The following BSN variants were observed in gnomAD, a reference collection of about 807,000 sequenced individuals.
The protein encoded by BSN is bassoon presynaptic cytomatrix protein.
BSN carries 57 observed loss-of-function variants against 264.8 expected under a neutral mutation model. The ratio of observed to expected loss-of-function variants is 0.22; its 90% CI spans 0.17 to 0.27. The LOEUF is 0.27. Ranked by LOEUF, BSN falls within the 10% of genes least tolerant of loss-of-function variation. BSN has a pLI of 1.00. For synonymous variants in BSN, 2,059 were observed against 2,137.3 expected, an observed-to-expected ratio of 0.96 and a Z score of 1.01; for missense variants, 4,615 against 5,232.5, an observed-to-expected ratio of 0.88 and a Z score of 3.64.
chr3:49,564,294 A>G (rs1432207227), intron 1 of BSN, among the ~76,000 whole-genome samples: 1 of 152,040 alleles, frequency 6.6e-6, no homozygotes, highest in Non-Finnish European at 1.5e-5. Flanking sequence ...TCCCACACTT[A>G]TCCAGCCTCA....
chr3:49,606,133 T>TAA (rs376037321), intron 1 of BSN, among the ~76,000 whole-genome samples: 7,162 of 13,958 alleles, frequency 0.51, 2,574 homozygotes, highest in East Asian at 0.87. Context: ...ATATTATATA[T>TAA]ACATATATTA....
intron 1 of BSN, among the ~76,000 whole-genome samples, chr3:49,614,400 A>G (rs2052241784): frequency 6.6e-6 from 1 of 152,172 alleles, no homozygotes; most frequent in African/African-American, 2.4e-5. Context: ...ATGGCATTTG[A>G]CACGTCAGCT....
chr3:49,636,167 G>T (rs1466090189), intron 2 of BSN, among the ~76,000 whole-genome samples: 1 of 152,222 alleles, frequency 6.6e-6, no homozygotes, highest in Non-Finnish European at 1.5e-5. Flanking sequence ...CCCCATGTGG[G>T]TTGCAGGTCA....
intron 1 of BSN, among the ~76,000 whole-genome samples, chr3:49,624,232 A>ACC (rs1283810099): frequency 7.2e-6 from 1 of 139,422 alleles, no homozygotes; most frequent in East Asian, 2.2e-4. Context: ...CGATCTCCCG[A>ACC]CCTCTTGATG....
At chr3:49,664,912 G>C (rs1446242587) in intron 10 of BSN, 59 bp downstream of exon 10, 3 of 1,351,048 alleles carry the variant, frequency 2.2e-6, no homozygotes, top group Admixed American at 1.7e-5. Flanking sequence ...CACTGGGGGT[G>C]GGGGTGGGGC....
rs1436321437 is a variant in BSN at position 49,664,418 on chromosome 3, C to T, written c.11609-5C>T. 1 of 1,613,774 alleles carries T rather than the reference C, an allele frequency of 6.2e-7. No individual in the cohort carries two copies. Among genetic ancestry groups the T allele is most frequent in the Non-Finnish European group, 8.5e-7 (1 of 1,180,008 alleles). On this transcript the variant is annotated splice_polypyrimidine_tract_variant and splice_region_variant and intron_variant, in intron 8 of 11. Transcript: ENST00000296452. ...AGCTCATTATGGCGATTTCTTTCCT[C>T]CTAGGTGTGAAGGCTGGAGCCAGGC...
intron 1 of BSN, among the ~76,000 whole-genome samples, chr3:49,580,844 G>T (rs570827424): frequency 6.6e-6 from 1 of 152,072 alleles, no homozygotes; most frequent in East Asian, 1.9e-4. Context: ...CAATTTAGTG[G>T]CATTAATTAC....
intron 1 of BSN, among the ~76,000 whole-genome samples, chr3:49,560,113 G>C (rs914135969): frequency 1.3e-5 from 2 of 152,106 alleles, no homozygotes; most frequent in African/African-American, 2.4e-5. Flanking sequence ...CAGTGTGGGG[G>C]AGCCCTCCCT....
intron 1 of BSN, among the ~76,000 whole-genome samples, chr3:49,596,352 C>T (rs766192222): frequency 2.0e-5 from 3 of 152,054 alleles, no homozygotes; most frequent in African/African-American, 4.8e-5. Context: ...TGCAGTGAGC[C>T]GAGATTGCAC....
intron 1 of BSN, among the ~76,000 whole-genome samples, chr3:49,577,969 G>A (rs2051859476): frequency 6.6e-6 from 1 of 152,138 alleles, no homozygotes; most frequent in Non-Finnish European, 1.5e-5. Flanking sequence ...GAACTGCTGG[G>A]GGTAGCGGGG....
At chr3:49,612,693 G>C (rs914681120) in intron 1 of BSN, among the ~76,000 whole-genome samples, 10 of 152,274 alleles carry the variant, frequency 6.6e-5, no homozygotes, top group South Asian at 6.2e-4. Flanking sequence ...CAGCAATTCA[G>C]ACAATAGAAA....
intron 1 of BSN, among the ~76,000 whole-genome samples, chr3:49,603,590 G>A (rs1211684678): frequency 6.6e-6 from 1 of 152,222 alleles, no homozygotes; most frequent in Non-Finnish European, 1.5e-5. Flanking sequence ...AGGTTTGTGG[G>A]TGTGTTAGGT....
intron 1 of BSN, among the ~76,000 whole-genome samples, chr3:49,591,672 C>G (rs1409986127): frequency 2.0e-5 from 3 of 151,880 alleles, no homozygotes; most frequent in Non-Finnish European, 4.4e-5. Context: ...ATCTCAGCCT[C>G]GACCTCCCAG....
At position 49,667,890 on chromosome 3, in the gene BSN, C is replaced by A. The variant is rs550132386; in HGVS notation, c.*405C>A. Reference sequence around the variant, plus strand: ...TTTTGCGGCCTGGCCGGCCAGGCTTCCCGTGCGTTATACACAGAGTTTGGG... The same window carrying A: ...TTTTGCGGCCTGGCCGGCCAGGCTTACCGTGCGTTATACACAGAGTTTGGG... On this transcript the variant is annotated 3_prime_UTR_variant, in exon 12 of 12. Coordinates refer to ENST00000296452, the MANE Select transcript of BSN (RefSeq NM_003458.4). The A allele has an allele frequency of 7.2e-5, 11 of 152,598 alleles. No homozygotes were observed. The highest frequency in any genetic ancestry group is 2.6e-4 in the African/African-American group (11 of 41,542). The allele number at this position is 152,598 out of a possible 1,614,324, so 9.5% of individuals were successfully genotyped here. A position where few individuals can be genotyped will look rare whatever the true frequency, so the allele number is the denominator to read the frequency against.
chr3:49,581,181 C>T lies in BSN; in HGVS notation c.224+26355C>T, dbSNP rs867733229. Among the ~76,000 whole-genome samples, 20 of 152,140 alleles carry T rather than the reference C, an allele frequency of 1.3e-4. 1 individual carries two copies. In the Middle Eastern group the frequency reaches 0.01, roughly 78 times the overall value. On this transcript the variant is annotated intron_variant, in intron 1 of 11. Coordinates refer to ENST00000296452, the MANE Select transcript of BSN (RefSeq NM_003458.4). Reference sequence around the variant, plus strand: ...ATTTTTAGTAGTAAAGACTGGGTTTCGCCATGTTGGCCAGGCTGGTCTTGA... The same window carrying T: ...ATTTTTAGTAGTAAAGACTGGGTTTTGCCATGTTGGCCAGGCTGGTCTTGA...
chr3:49,643,265 T>A, intron 3 of BSN, 113 bp downstream of exon 3: 1 of 1,457,190 alleles, frequency 6.9e-7, no homozygotes, highest in Non-Finnish European at 9.1e-7. Flanking sequence ...ATGGGGCTGC[T>A]CCTGTACAAC....
At chr3:49,609,067 C>G (rs1405762924) in intron 1 of BSN, among the ~76,000 whole-genome samples, 1 of 149,678 alleles carries the variant, frequency 6.7e-6, no homozygotes, top group Non-Finnish European at 1.5e-5. Context: ...ATGCTTAAAC[C>G]AGGTTTTGAA....
chr3:49,568,468 A>C (rs2051771458), intron 1 of BSN, among the ~76,000 whole-genome samples: 1 of 152,164 alleles, frequency 6.6e-6, no homozygotes, highest in Non-Finnish European at 1.5e-5. Context: ...GATAAGAAAC[A>C]GTTTTTATCA....
In BSN at chr3:49,558,104, A is replaced by G. The variant is rs532237452; in HGVS notation, c.224+3278A>G. 5.9e-5 allele frequency among the ~76,000 whole-genome samples: 9 copies of G among 152,352 alleles called. No individual in the cohort carries two copies. The South Asian group carries it at 8.3e-4, about 14-fold the overall frequency. On this transcript the variant is annotated intron_variant, in intron 1 of 11. Transcript: ENST00000296452. Reference sequence around the variant, plus strand: ...GCAGCTCAGTATCTGAGAAATGTCAAATAAGCAGTGCTTACAGGGTTGTTA... The same window carrying G: ...GCAGCTCAGTATCTGAGAAATGTCAGATAAGCAGTGCTTACAGGGTTGTTA...
Sources: gnomAD v4.1 joint callset for allele counts (sites outside exome capture counted in the v4.1 genomes callset) on GRCh38, gnomAD v4.1.1 for gene constraint, MANE v1.5 for transcripts, NCBI Gene and HGNC (gene_info 2026-07-23, HGNC 2026-07-21) for gene names.